SMOC2: variants seen among roughly 807,000 people sequenced by gnomAD.
SMOC2 encodes the protein SPARC-related modular calcium-binding protein 2.
SMOC2 carries 39 observed loss-of-function variants against 61.4 expected under a neutral mutation model. The observed-to-expected ratio is 0.64, with a 90% CI of 0.49 to 0.83. The LOEUF is 0.83. Among genes scored for constraint, SMOC2 ranks in the 40% least tolerant of loss-of-function variants. The pLI, the probability that SMOC2 is intolerant of heterozygous loss-of-function variation, is 0.00. For missense variants in SMOC2, 556 were observed against 592.9 expected (o/e 0.94, Z 0.65); for synonymous variants, 247 against 239.9 (o/e 1.03, Z -0.27).
chr6:168,599,150 T>G, intron 8 of SMOC2, 146 bp downstream of exon 8: 7 of 684,902 alleles, frequency 1.0e-5, no homozygotes, highest in Non-Finnish European at 1.6e-5. Context: ...ACCACACACA[T>G]ACCCACACAC....
rs113325159 is a variant in SMOC2 at position 168,590,403 on chromosome 6, G to T, written c.638-8415G>T. On this transcript the variant is annotated intron_variant, in intron 7 of 12. Transcript: ENST00000356284. ...GTCTGGTGGTGGTCAGGTGTGGCAT[G>T]AGTTTAGGGGGCAGCCGGCCTGGTG... Among the ~76,000 whole-genome samples, 499 of 50,586 alleles carry T rather than the reference G, an allele frequency of 9.9e-3. 2 individuals are homozygous for T. The highest frequency in any genetic ancestry group is 0.022 in the Middle Eastern group (1 of 46). 33.2% of individuals were successfully genotyped at this position (50,586 alleles called of 152,430 possible). A position where few individuals can be genotyped will look rare whatever the true frequency, so the allele number is the denominator to read the frequency against.
chr6:168,525,180 C>T (rs942025303), intron 2 of SMOC2, among the ~76,000 whole-genome samples: 3 of 152,168 alleles, frequency 2.0e-5, no homozygotes, highest in African/African-American at 7.2e-5. Flanking sequence ...GTGTGATGGT[C>T]CCAAGAAGTA....
rs1349554284 is a variant in SMOC2, at chr6:168,453,117, G to T, written c.84+11663G>T. Among the ~76,000 whole-genome samples, 2 of 152,090 alleles carry T rather than the reference G, an allele frequency of 1.3e-5. No individual in the cohort carries two copies. The highest frequency in any genetic ancestry group is 1.9e-4 in the East Asian group (1 of 5,158). On this transcript the variant is annotated intron_variant, in intron 1 of 12. Coordinates refer to ENST00000356284, the MANE Select transcript of SMOC2 (RefSeq NM_001166412.2). This position sits in a 1 kb window ranked among gnomAD's most constrained non-coding sequence, Gnocchi z 4.4. ...GGACACTCAGGGCAATCTGCCCTGA[G>T]GAATTCAGGGCAGTGTGGCTTGAAT...
At chr6:168,455,661 T>C (rs1244507312) in intron 1 of SMOC2, among the ~76,000 whole-genome samples, 1 of 152,234 alleles carries the variant, frequency 6.6e-6, no homozygotes, top group Non-Finnish European at 1.5e-5. Context: ...CATTATTATC[T>C]CTGGGGTGTC....
intron 2 of SMOC2, among the ~76,000 whole-genome samples, chr6:168,517,474 C>G (rs1451145888): frequency 6.6e-6 from 1 of 152,226 alleles, no homozygotes; most frequent in Non-Finnish European, 1.5e-5. Flanking sequence ...TTCCACTTCC[C>G]AGCGTGGACC....
intron 1 of SMOC2, among the ~76,000 whole-genome samples, chr6:168,490,299 G>C (rs937279940): frequency 6.6e-6 from 1 of 152,084 alleles, no homozygotes; most frequent in African/African-American, 2.4e-5. Context: ...GGTCCCCTTG[G>C]ATCACACTGT....
chr6:168,513,736 C>T (rs1783064616), intron 2 of SMOC2, among the ~76,000 whole-genome samples: 1 of 152,182 alleles, frequency 6.6e-6, no homozygotes, highest in South Asian at 2.1e-4. Context: ...ATGCTGTTCT[C>T]CATCAGATAA....
intron 9 of SMOC2, among the ~76,000 whole-genome samples, chr6:168,638,079 T>TGCCCC (rs1786791893): frequency 8.2e-6 from 1 of 122,558 alleles, no homozygotes. Context: ...CACCCTGCCC[T>TGCCCC]GCCCCTGCCC....
At chr6:168,456,048 C>T (rs965120714) in intron 1 of SMOC2, among the ~76,000 whole-genome samples, 8 of 152,226 alleles carry the variant, frequency 5.3e-5, no homozygotes, top group Non-Finnish European at 8.8e-5. Context: ...ATACCAGGGC[C>T]ACCCCAGAGC....
chr6:168,575,334 C>G (rs185807091), intron 7 of SMOC2, among the ~76,000 whole-genome samples: 10 of 152,268 alleles, frequency 6.6e-5, no homozygotes, highest in Non-Finnish European at 2.9e-5. Flanking sequence ...AGATTCCCCC[C>G]GACTTCTTTC....
chr6:168,634,282 A>C (rs1421057975), intron 9 of SMOC2, among the ~76,000 whole-genome samples: 1 of 152,170 alleles, frequency 6.6e-6, no homozygotes, highest in African/African-American at 2.4e-5. Flanking sequence ...AATGATACTA[A>C]GTCCTGAGAT....
At chr6:168,647,233 G>A (rs932853010) in intron 9 of SMOC2, among the ~76,000 whole-genome samples, 4 of 152,176 alleles carry the variant, frequency 2.6e-5, no homozygotes, top group Non-Finnish European at 1.5e-5. Flanking sequence ...CGGCAGTTTT[G>A]ACGCCAACCC....
At chr6:168,595,706 C>T (rs934181647) in intron 7 of SMOC2, among the ~76,000 whole-genome samples, 2 of 152,220 alleles carry the variant, frequency 1.3e-5, no homozygotes. Context: ...TCATCAACCA[C>T]GATGTTTATA....
intron 2 of SMOC2, 47 bp from the exon 3 acceptor site, chr6:168,526,299 C>T: frequency 6.6e-7 from 1 of 1,523,250 alleles, no homozygotes; most frequent in African/African-American, 1.4e-5. Flanking sequence ...TCTGTTCTAT[C>T]TTCTTCCCAT....
chr6:168,568,247 C>T (rs1263296572), intron 7 of SMOC2, among the ~76,000 whole-genome samples: 2 of 152,004 alleles, frequency 1.3e-5, no homozygotes, highest in Admixed American at 6.5e-5. Context: ...TAGCATTTAG[C>T]GCGTCTTCTC....
In SMOC2 at chr6:168,550,505, G is replaced by A. The variant is rs549164791; in HGVS notation, c.637+1302G>A. The stretch of plus-strand genomic sequence containing the variant: ...CCCATGGCGAGTCTATGGTAGGCCC[G>A]TCCACTGATTTCCACCTGCAAAGCT... On this transcript the variant is annotated intron_variant, in intron 7 of 12. Coordinates refer to ENST00000356284, the MANE Select transcript of SMOC2 (RefSeq NM_001166412.2). Among the ~76,000 whole-genome samples the A allele has an allele frequency of 5.9e-5, 9 of 152,214 alleles. 1 individual carries two copies. Among genetic ancestry groups the A allele is most frequent in the East Asian group, 1.9e-4 (1 of 5,162 alleles).
In SMOC2 at chr6:168,667,480, C is replaced by G. The variant is rs1342977929; in HGVS notation, c.*1042C>G. 1 of 152,180 alleles carries G rather than the reference C, an allele frequency of 6.6e-6. No individual in the cohort carries two copies. The highest frequency in any genetic ancestry group is 1.5e-5 in the Non-Finnish European group (1 of 68,058). 9.4% of individuals were successfully genotyped at this position (152,180 alleles called of 1,614,324 possible). A position where few individuals can be genotyped will look rare whatever the true frequency, so the allele number is the denominator to read the frequency against. ...TTCCTTTCTGCTTTTCTGAATGCAT[C>G]AAGGGTACGAGAACTTGCCAATGGG... On this transcript the variant is annotated 3_prime_UTR_variant, in exon 13 of 13. Transcript: ENST00000356284.
At chr6:168,580,143 A>C (rs1784890205) in intron 7 of SMOC2, among the ~76,000 whole-genome samples, 1 of 152,170 alleles carries the variant, frequency 6.6e-6, no homozygotes, top group Non-Finnish European at 1.5e-5. Context: ...TCAGAATGGA[A>C]ATTAACTTAC....
intron 7 of SMOC2, among the ~76,000 whole-genome samples, chr6:168,555,427 C>T (rs1784224402): frequency 6.6e-6 from 1 of 151,960 alleles, no homozygotes; most frequent in Non-Finnish European, 1.5e-5. Flanking sequence ...CACCATCAAG[C>T]TTCCCACCAG....
Sources: gnomAD v4.1 joint callset for allele counts (sites outside exome capture counted in the v4.1 genomes callset) on GRCh38, gnomAD v4.1.1 for gene constraint, Gnocchi (gnomAD v3.1) non-coding constraint, MANE v1.5 for transcripts, NCBI Gene and HGNC (gene_info 2026-07-23, HGNC 2026-07-21) for gene names.